Variants in ARAP2 observed in about 807,000 individuals in gnomAD.
The protein encoded by ARAP2 is ArfGAP with RhoGAP domain, ankyrin repeat and PH domain 2, also known as arf-GAP with Rho-GAP domain, ANK repeat and PH domain-containing protein 2.
In ARAP2, 148 loss-of-function variants were observed where a neutral mutation model predicts 194.5. The observed-to-expected ratio is 0.76, with a 90% CI of 0.67 to 0.87. ARAP2 has a LOEUF of 0.87. Among genes scored for constraint, ARAP2 ranks in the 40% least tolerant of loss-of-function variants. The pLI is 0.00. For missense variants in ARAP2, 2,128 were observed against 1,989.7 expected, an observed-to-expected ratio of 1.07 and a Z score of -1.32; for synonymous variants, 695 against 683.5, an observed-to-expected ratio of 1.02 and a Z score of -0.26.
chr4:36,130,201 A>C lies in ARAP2; in HGVS notation c.3428-1456T>G, dbSNP rs1317320073. On this transcript the variant is annotated intron_variant, in intron 20 of 32. Coordinates refer to ENST00000303965, the MANE Select transcript of ARAP2 (RefSeq NM_015230.4). ...TCTTATGCAGCCCTCTGTGTGTCTCAACAATGATAACAGCATGATCTAAAA... is the reference window on the plus strand; with the variant it reads ...TCTTATGCAGCCCTCTGTGTGTCTCCACAATGATAACAGCATGATCTAAAA... Among the ~76,000 whole-genome samples the C allele has an allele frequency of 2.0e-5, 3 of 151,960 alleles. No individual in the cohort carries two copies. The East Asian group carries it at 5.8e-4, about 29-fold the overall frequency.
chr4:36,133,516 C>A (rs982330666), intron 19 of ARAP2, 127 bp from the exon 20 acceptor site: 3 of 800,854 alleles, frequency 3.7e-6, no homozygotes, highest in Admixed American at 5.7e-5. Context: ...TCATCCACCA[C>A]GAGCTTCCAC....
At chr4:36,065,446 T>C, downstream of ARAP2, 1 of 427,444 alleles carries the variant, frequency 2.3e-6, no homozygotes, top group South Asian at 1.8e-5. Flanking sequence ...CTTTGCCCAG[T>C]GTATTCACTA....
chr4:36,232,640 G>C (rs1751711378), intron 1 of ARAP2, among the ~76,000 whole-genome samples: 1 of 152,090 alleles, frequency 6.6e-6, no homozygotes, highest in African/African-American at 2.4e-5. Flanking sequence ...ATAACTTTTT[G>C]CATACACTCT....
chr4:36,187,272 C>T (rs55665737), intron 8 of ARAP2, among the ~76,000 whole-genome samples, 179 bp downstream of exon 8: 7,675 of 152,156 alleles, frequency 0.05, 419 homozygotes, highest in African/African-American at 0.14. Context: ...AAAGAGGAAA[C>T]AAATAACTTG....
Position 36,082,426 on chromosome 4 carries a change from G to A in ARAP2, c.4509-140C>T. The stretch of plus-strand genomic sequence containing the variant: ...CCACAAGTGGTGATTCAATGTGTTG[G>A]ACTTAGCTAGAGGTGAATGCTAAAT... On this transcript the variant is annotated intron_variant, in intron 29 of 32. Transcript: ENST00000303965. The A allele has an allele frequency of 9.9e-6, 8 of 807,106 alleles. No individual in the cohort carries two copies. In the South Asian group the frequency reaches 1.5e-4, roughly 15 times the overall value. The allele number at this position is 807,106 out of a possible 1,614,324, so 50.0% of individuals were successfully genotyped here.
In ARAP2 at chr4:36,226,324, T is replaced by G. The variant is rs185116522; in HGVS notation, c.905+2258A>C. On this transcript the variant is annotated intron_variant, in intron 2 of 32. Coordinates refer to ENST00000303965, the MANE Select transcript of ARAP2 (RefSeq NM_015230.4). Reference sequence around the variant, plus strand: ...TACCACTCCAGCATACTTACTATTTTGAATAAAGGCATTTAATTCAAATAT... The same window carrying G: ...TACCACTCCAGCATACTTACTATTTGGAATAAAGGCATTTAATTCAAATAT... Among the ~76,000 whole-genome samples, 129 of 152,314 alleles carry G rather than the reference T, an allele frequency of 8.5e-4. 1 individual carries two copies. The Middle Eastern group carries it at 0.01, about 12-fold the overall frequency.
intron 9 of ARAP2, among the ~76,000 whole-genome samples, chr4:36,008,352 C>A (rs1187085821): frequency 6.6e-6 from 1 of 151,860 alleles, no homozygotes; most frequent in Non-Finnish European, 1.5e-5. Flanking sequence ...ACATATAGAC[C>A]AAAAGAAAAG....
chr4:36,163,754 A>G (rs940266744), intron 11 of ARAP2, among the ~76,000 whole-genome samples: 4 of 152,210 alleles, frequency 2.6e-5, no homozygotes, highest in African/African-American at 9.7e-5. Context: ...AGGAGGGAAG[A>G]AAGAAAGGAA....
intron 10 of ARAP2, among the ~76,000 whole-genome samples, chr4:36,165,766 A>G (rs920550615): frequency 6.6e-6 from 1 of 152,172 alleles, no homozygotes; most frequent in African/African-American, 2.4e-5. Flanking sequence ...CATTCCTTCA[A>G]GAAATATTTA....
chr4:36,159,591 T>C (rs145164750), intron 13 of ARAP2, 86 bp from the exon 14 acceptor site: 185 of 1,194,972 alleles, frequency 1.5e-4, no homozygotes, highest in Non-Finnish European at 1.9e-4. Context: ...TAATTTCATG[T>C]ATGGGATAAA....
intron 5 of ARAP2, among the ~76,000 whole-genome samples, chr4:36,038,303 A>G (rs1025744071): frequency 6.6e-6 from 1 of 152,204 alleles, no homozygotes; most frequent in East Asian, 1.9e-4. Flanking sequence ...TAAAAGTACT[A>G]CTTGTCTCAA....
At position 36,038,794 on chromosome 4, in the gene ARAP2, T is replaced by C. The variant is rs555056239; in HGVS notation, n.607+7185A>G. On this transcript the variant is annotated intron_variant and non_coding_transcript_variant, in intron 5 of 12. Transcript: ENST00000503225. Reference sequence around the variant, plus strand: ...GATAATGTTGGCTCTTACAATGGAATTTGTTCAAAGAAATAAAATAGATTG... The same window carrying C: ...GATAATGTTGGCTCTTACAATGGAACTTGTTCAAAGAAATAAAATAGATTG... Among the ~76,000 whole-genome samples, 50 of 152,326 alleles carry C rather than the reference T, an allele frequency of 3.3e-4. 2 individuals are homozygous for C. In the South Asian group the frequency reaches 3.3e-3, roughly 10 times the overall value.
rs1456171453 is a variant in ARAP2 at position 36,205,120 on chromosome 4, T to C, written c.1487+5270A>G. Among the ~76,000 whole-genome samples, 3 of 150,058 alleles carry C rather than the reference T, an allele frequency of 2.0e-5. No homozygotes were observed. The East Asian group carries it at 5.8e-4, about 29-fold the overall frequency. The stretch of plus-strand genomic sequence containing the variant: ...CATACTATGCTACATTGTTCAAAAA[T>C]GAGTAGCCTTTATAGTTATACTATA... On this transcript the variant is annotated intron_variant, in intron 6 of 32. Coordinates refer to ENST00000303965, the MANE Select transcript of ARAP2 (RefSeq NM_015230.4).
At chr4:36,201,014 T>C (rs1403038642) in intron 6 of ARAP2, among the ~76,000 whole-genome samples, 2 of 152,238 alleles carry the variant, frequency 1.3e-5, no homozygotes, top group Non-Finnish European at 2.9e-5. Flanking sequence ...TGATGCGTTA[T>C]TACACAGAAA....
intron 5 of ARAP2, among the ~76,000 whole-genome samples, chr4:36,025,733 A>T (rs1215935524): frequency 1.3e-5 from 2 of 152,118 alleles, no homozygotes; most frequent in Non-Finnish European, 2.9e-5. Flanking sequence ...GTTACTTATG[A>T]TTGACAGTGA....
intron 8 of ARAP2, among the ~76,000 whole-genome samples, chr4:36,179,170 G>A (rs1247918206): frequency 6.6e-6 from 1 of 152,070 alleles, no homozygotes; most frequent in Admixed American, 6.6e-5. Context: ...TAATAATACA[G>A]ACAATGACAG....
At chr4:36,019,062 C>T (rs928189740) in intron 6 of ARAP2, 14 of 149,504 alleles carry the variant, frequency 9.4e-5, no homozygotes, top group Admixed American at 5.9e-4. Flanking sequence ...AATTTATGTC[C>T]TAACTAATAT....
intron 27 of ARAP2, among the ~76,000 whole-genome samples, chr4:36,105,823 T>C (rs187137788): frequency 1.1e-3 from 170 of 152,130 alleles, no homozygotes; most frequent in Non-Finnish European, 2.1e-3. Flanking sequence ...ATCTAATTCT[T>C]ATCCATTTTT....
intron 5 of ARAP2, among the ~76,000 whole-genome samples, chr4:36,042,962 C>T (rs1292951397): frequency 1.3e-5 from 2 of 152,046 alleles, no homozygotes; most frequent in Non-Finnish European, 2.9e-5. Context: ...CCTGCCTCAG[C>T]CTACCAAGTA....
Sources: gnomAD v4.1 joint callset for allele counts (sites outside exome capture counted in the v4.1 genomes callset) on GRCh38, gnomAD v4.1.1 for gene constraint, MANE v1.5 for transcripts, NCBI Gene and HGNC (gene_info 2026-07-23, HGNC 2026-07-21) for gene names.